NRG1: variants seen among roughly 807,000 people sequenced by gnomAD.
NRG1 encodes the protein pro-neuregulin-1, membrane-bound isoform.
Under a neutral mutation model 63.8 loss-of-function variants are expected in NRG1, and 18 were observed. The observed-to-expected ratio is 0.28, with a 90% confidence interval of 0.19 to 0.42. NRG1 has a LOEUF of 0.42. NRG1 is among the 10% of genes least tolerant of loss of function. NRG1 has a pLI of 1.00. For missense variants in NRG1, 762 were observed against 814.7 expected, an observed-to-expected ratio of 0.94 and a Z score of 0.79; for synonymous variants, 302 against 301.3, an observed-to-expected ratio of 1.00 and a Z score of -0.02.
At chr8:32,561,929 T>C (rs948108627) in intron 1 of NRG1, among the ~76,000 whole-genome samples, 1 of 152,112 alleles carries the variant, frequency 6.6e-6, no homozygotes, top group Non-Finnish European at 1.5e-5. Flanking sequence ...ATTTAGTCCT[T>C]TATTTGTGGG....
chr8:31,870,733 G>C (rs1318514110), intron 1 of NRG1, among the ~76,000 whole-genome samples: 1 of 151,872 alleles, frequency 6.6e-6, no homozygotes, highest in Non-Finnish European at 1.5e-5. Flanking sequence ...TTATTTTTTT[G>C]ATTTATTTAT....
In NRG1 at chr8:31,705,136, A is replaced by T. The variant is rs146527714; in HGVS notation, c.37+65705A>T. Among the ~76,000 whole-genome samples, 672 of 152,126 alleles carry T rather than the reference A, an allele frequency of 4.4e-3. 5 individuals carry two copies. Among genetic ancestry groups the T allele is most frequent in the African/African-American group, 0.015 (620 of 41,546 alleles). Reference sequence around the variant, plus strand: ...CTGCAACCTCTGCCCCGCCGGGTTCAAGCGATTCTCCTGCCTCAGCCTTCC... The same window carrying T: ...CTGCAACCTCTGCCCCGCCGGGTTCTAGCGATTCTCCTGCCTCAGCCTTCC... On this transcript the variant is annotated intron_variant, in intron 1 of 10. Transcript: ENST00000519301.
intron 5 of NRG1, among the ~76,000 whole-genome samples, chr8:32,718,473 A>G (rs750728984): frequency 2.0e-5 from 3 of 152,122 alleles, no homozygotes; most frequent in Non-Finnish European, 4.4e-5. Context: ...TCCCGTTCCA[A>G]AGGCTGCAGG....
At chr8:32,554,661 G>A (rs886498890) in intron 1 of NRG1, among the ~76,000 whole-genome samples, 3 of 152,204 alleles carry the variant, frequency 2.0e-5, no homozygotes, top group East Asian at 3.9e-4. Flanking sequence ...TGAGAATGTC[G>A]TTAACACATT....
chr8:32,644,744 G>T (rs1200708155), intron 5 of NRG1, among the ~76,000 whole-genome samples: 1 of 151,390 alleles, frequency 6.6e-6, no homozygotes, highest in African/African-American at 2.4e-5. Context: ...TAAAATGTTG[G>T]TTTTCTCTGT....
chr8:32,664,469 G>C (rs1010361038), intron 5 of NRG1, among the ~76,000 whole-genome samples: 1 of 152,050 alleles, frequency 6.6e-6, no homozygotes, highest in Admixed American at 6.6e-5. Flanking sequence ...TTAAGTGCAT[G>C]GTGAGTCGGC....
intron 1 of NRG1, among the ~76,000 whole-genome samples, chr8:32,174,702 A>G (rs1426303608): frequency 6.6e-6 from 1 of 152,216 alleles, no homozygotes; most frequent in Admixed American, 6.5e-5. Context: ...TACTATAAAC[A>G]TCTCTACACA....
At chr8:32,255,910 T>G (rs1849649762) in intron 1 of NRG1, among the ~76,000 whole-genome samples, 2 of 152,194 alleles carry the variant, frequency 1.3e-5, no homozygotes, top group Admixed American at 1.3e-4. Context: ...TTTGTTCCTT[T>G]TCATTCTTTT....
In NRG1 at chr8:32,386,128, G is replaced by T. The variant is rs112634155; in HGVS notation, c.38-209700G>T. Among the ~76,000 whole-genome samples, 346 of 152,282 alleles carry T rather than the reference G, an allele frequency of 2.3e-3. 3 individuals are homozygous for T. Among genetic ancestry groups the T allele is most frequent in the African/African-American group, 8.1e-3 (337 of 41,552 alleles). ...ATTTATTTATTTATTTAGAGACAGAGTCTCACTCTGTTGCTCAGGCTGGAA... is the reference window on the plus strand; with the variant it reads ...ATTTATTTATTTATTTAGAGACAGATTCTCACTCTGTTGCTCAGGCTGGAA... On this transcript the variant is annotated intron_variant, in intron 1 of 10. Coordinates refer to the NRG1 transcript ENST00000519301.
intron 1 of NRG1, among the ~76,000 whole-genome samples, chr8:32,268,247 T>C (rs1246124795): frequency 6.6e-6 from 1 of 152,172 alleles, no homozygotes; most frequent in East Asian, 1.9e-4. Context: ...TACAGCTTTA[T>C]GAGATCCTAA....
At chr8:32,243,854 T>G (rs1167702197) in intron 1 of NRG1, among the ~76,000 whole-genome samples, 1 of 152,170 alleles carries the variant, frequency 6.6e-6, no homozygotes, top group Non-Finnish European at 1.5e-5. Flanking sequence ...CTCTGCCACC[T>G]GAAAATGCAA....
At chr8:31,859,502 T>C (rs950707620) in intron 1 of NRG1, among the ~76,000 whole-genome samples, 2 of 152,196 alleles carry the variant, frequency 1.3e-5, no homozygotes, top group Non-Finnish European at 2.9e-5. Flanking sequence ...TAGGAAATAC[T>C]ATATATATTT....
chr8:32,040,883 C>A (rs1056230976), intron 1 of NRG1, among the ~76,000 whole-genome samples: 1 of 149,208 alleles, frequency 6.7e-6, no homozygotes, highest in African/African-American at 2.5e-5. Flanking sequence ...TATTGCTGAG[C>A]TTTATTTAGG....
intron 5 of NRG1, among the ~76,000 whole-genome samples, chr8:32,645,335 A>C (rs1270310881): frequency 6.6e-6 from 1 of 152,226 alleles, no homozygotes. Flanking sequence ...TTTACTGTGC[A>C]GATTATAGAG....
At chr8:32,507,553 G>T (rs1828678163) in intron 1 of NRG1, among the ~76,000 whole-genome samples, 1 of 152,080 alleles carries the variant, frequency 6.6e-6, no homozygotes, top group African/African-American at 2.4e-5. Context: ...GGGAGAATTT[G>T]CTGGCAAAAA....
At chr8:31,658,781 A>G (rs1469919208) in intron 1 of NRG1, among the ~76,000 whole-genome samples, 3 of 152,160 alleles carry the variant, frequency 2.0e-5, no homozygotes, top group Non-Finnish European at 4.4e-5. Context: ...TACCTTCTTA[A>G]TGTTAATCAG....
At chr8:31,838,070 T>C (rs917624833) in intron 1 of NRG1, among the ~76,000 whole-genome samples, 3 of 152,148 alleles carry the variant, frequency 2.0e-5, no homozygotes, top group Non-Finnish European at 4.4e-5. Context: ...ATGGTAGTAC[T>C]GATTTACATT....
chr8:31,841,763 A>T (rs16878333), intron 1 of NRG1, among the ~76,000 whole-genome samples: 6,053 of 152,232 alleles, frequency 0.04, 432 homozygotes, highest in African/African-American at 0.14. Context: ...AAAAATTAAT[A>T]CTCATACCAG....
chr8:32,500,616 T>C (rs925957916), intron 1 of NRG1, among the ~76,000 whole-genome samples: 1 of 152,228 alleles, frequency 6.6e-6, no homozygotes, highest in African/African-American at 2.4e-5. Flanking sequence ...TTATGGAACT[T>C]AGGCAAATAA....
Sources: allele counts gnomAD v4.1 joint callset (sites outside exome capture counted in the v4.1 genomes callset), GRCh38; gene constraint gnomAD v4.1.1; transcripts MANE v1.5; gene names NCBI Gene and HGNC (gene_info 2026-07-23, HGNC 2026-07-21).